Variants in N4BP3 observed in about 807,000 individuals in gnomAD.
N4BP3 encodes NEDD4 binding protein 3, also known as NEDD4-binding protein 3.
A neutral mutation model predicts 43.8 loss-of-function variants in N4BP3; 33 were observed. The observed-to-expected ratio is 0.75, with a 90% CI of 0.57 to 1.01. The LOEUF (loss-of-function observed/expected upper bound fraction) is 1.01, where lower values mean the gene tolerates loss of function less well. Ranked by LOEUF, N4BP3 falls within the 50% of genes least tolerant of loss-of-function variation. The probability of loss-of-function intolerance (pLI) is 0.00; values close to 1 mark genes in which losing one functional copy is unlikely to be tolerated. For synonymous variants in N4BP3, 326 were observed against 321.9 expected, an observed-to-expected ratio of 1.01 and a Z score of -0.14; for missense variants, 756 against 744.2, an observed-to-expected ratio of 1.02 and a Z score of -0.18.
At position 178,123,329 on chromosome 5, in the gene N4BP3, T is replaced by G. The variant is rs1353701306; in HGVS notation, c.*1328T>G. 6.6e-6 allele frequency: 1 copy of G among 152,312 alleles called. No homozygotes were observed. The highest frequency in any genetic ancestry group is 1.9e-4 in the East Asian group (1 of 5,182). The allele number at this position is 152,312 out of a possible 1,614,324, so 9.4% of individuals were successfully genotyped here. A position where few individuals can be genotyped will look rare whatever the true frequency, so the allele number is the denominator to read the frequency against. ...CGTGCTTACTGGGCGCCAGGTGCTG[T>G]GCTGGGCCCTTGTGAGTGTGGGGGC... On this transcript the variant is annotated 3_prime_UTR_variant, in exon 5 of 5. Transcript: ENST00000274605.
Position 178,125,208 on chromosome 5 carries a change from G to C in N4BP3, c.*3207G>C, listed in dbSNP as rs890280732. 1 of 152,468 alleles carries C rather than the reference G, an allele frequency of 6.6e-6. No homozygotes were observed. The highest frequency in any genetic ancestry group is 1.5e-5 in the Non-Finnish European group (1 of 68,220). The allele number at this position is 152,468 out of a possible 1,614,324, so 9.4% of individuals were successfully genotyped here. On this transcript the variant is annotated 3_prime_UTR_variant, in exon 5 of 5. Transcript: ENST00000274605. Reference sequence around the variant, plus strand: ...GGCCTTCTCAGGTGAGGAAGCCAAGGTGGCCAAGGCCCTCGGTCCCCTGCC... The same window carrying C: ...GGCCTTCTCAGGTGAGGAAGCCAAGCTGGCCAAGGCCCTCGGTCCCCTGCC...
rs193299865 is a variant in N4BP3 at position 178,121,615 on chromosome 5, G to T, written c.1249G>T (p.Ala417Ser). 2.5e-6 allele frequency: 4 copies of T among 1,613,136 alleles called. No individual in the cohort carries two copies. Among genetic ancestry groups the T allele is most frequent in the African/African-American group, 2.7e-5 (2 of 75,058 alleles). The change falls in exon 5 of 5, where the codon GCA (alanine) becomes TCA (serine). Residue 417 changes from alanine to serine, a missense_variant. Transcript: ENST00000274605. ...GSRAQAQAQD[A>S]ELVRLREAVR... Reference sequence around the variant, plus strand: ...CCGGGCACAAGCCCAGGCTCAGGACGCAGAGCTGGTCCGGCTGCGCGAGGC... The same window carrying T: ...CCGGGCACAAGCCCAGGCTCAGGACTCAGAGCTGGTCCGGCTGCGCGAGGC...
At chr5:178,119,482 CT>C in intron 1 of N4BP3, 71 bp from the exon 2 acceptor site, 3 of 1,181,012 alleles carry the variant, frequency 2.5e-6, no homozygotes, top group Non-Finnish European at 3.6e-6. Flanking sequence ...GAGCAAGTAC[CT>C]TGTTTTCAGG....
Position 178,122,080 on chromosome 5 carries a change from G to T in N4BP3, c.*79G>T, listed in dbSNP as rs1320425454. ...GCCGGCTCAGCCTTCCCTTGCACTG[G>T]TTGGGGTGGAACCTGCAGAGGCCAG... is the stretch of plus-strand genomic sequence containing the variant. On this transcript the variant is annotated 3_prime_UTR_variant, in exon 5 of 5. Coordinates refer to ENST00000274605, the MANE Select transcript of N4BP3 (RefSeq NM_015111.2). 1.4e-6 allele frequency: 2 copies of T among 1,463,850 alleles called. No individual in the cohort carries two copies. Among genetic ancestry groups the T allele is most frequent in the Non-Finnish European group, 9.0e-7 (1 of 1,106,438 alleles). The allele number at this position is 1,463,850 out of a possible 1,614,324, so 90.7% of individuals were successfully genotyped here. A position where few individuals can be genotyped will look rare whatever the true frequency, so the allele number is the denominator to read the frequency against.
At position 178,119,473 on chromosome 5, in the gene N4BP3, A is replaced by C. The variant is rs372325389; in HGVS notation, c.-30-81A>C. The C allele has an allele frequency of 2.9e-4, 309 of 1,049,682 alleles. 2 individuals are homozygous for C. In the African/African-American group the frequency reaches 3.7e-3, roughly 12 times the overall value. The allele number at this position is 1,049,682 out of a possible 1,614,324, so 65.0% of individuals were successfully genotyped here. ...GGCAAGGTTGTGGGGAGCTACAGGG[A>C]GCAAGTACCTTGTTTTCAGGCCCCA... On this transcript the variant is annotated intron_variant, in intron 1 of 4. Coordinates refer to ENST00000274605, the MANE Select transcript of N4BP3 (RefSeq NM_015111.2).
At position 178,122,378 on chromosome 5, in the gene N4BP3, C is replaced by G. The variant is rs892245769; in HGVS notation, c.*377C>G. ...GGCTGGGGTGGGAACACTGGCCTCC[C>G]CCAGAATAAAACCATGTTTTCTACC... On this transcript the variant is annotated 3_prime_UTR_variant, in exon 5 of 5. Transcript: ENST00000274605. 4.7e-6 allele frequency: 1 copy of G among 210,902 alleles called. No individual in the cohort carries two copies. Among genetic ancestry groups the G allele is most frequent in the African/African-American group, 2.3e-5 (1 of 43,440 alleles). The allele number at this position is 210,902 out of a possible 1,614,324, so 13.1% of individuals were successfully genotyped here.
rs1403622378 is a variant in N4BP3 at position 178,118,604 on chromosome 5, A to G, written c.-30-950A>G. ...AACACCTGTCCCGGAAACTGTGGCC[A>G]TTGTTCACGTCATCCTTCCTCCTTT... On this transcript the variant is annotated intron_variant, in intron 1 of 4. Transcript: ENST00000274605. This position sits in a 1 kb window ranked among gnomAD's most constrained non-coding sequence, Gnocchi z 5.4. Among the ~76,000 whole-genome samples, 3 of 152,040 alleles carry G rather than the reference A, an allele frequency of 2.0e-5. No homozygotes were observed. Among genetic ancestry groups the G allele is most frequent in the Middle Eastern group, 3.2e-3 (1 of 316 alleles).
Position 178,120,960 on chromosome 5 carries a change from C to G in N4BP3, c.853-138C>G, listed in dbSNP as rs116794962. 6.7e-5 allele frequency: 86 copies of G among 1,285,156 alleles called. 1 individual carries two copies. The highest frequency in any genetic ancestry group is 2.8e-4 in the Middle Eastern group (1 of 3,568). The allele number at this position is 1,285,156 out of a possible 1,614,324, so 79.6% of individuals were successfully genotyped here. Reference sequence around the variant, plus strand: ...GGGGACACCTCACCCTGGAGGGCATCCCGGGTTAAAGCGCATGTGTGGCTG... The same window carrying G: ...GGGGACACCTCACCCTGGAGGGCATGCCGGGTTAAAGCGCATGTGTGGCTG... On this transcript the variant is annotated intron_variant, in intron 3 of 4. Transcript: ENST00000274605.
Position 178,121,319 on chromosome 5 carries a change from C to G in N4BP3, c.1074C>G (p.Pro358=). Reference sequence around the variant, plus strand: ...CCGGCACCCTCCCAGAGGCTGACCCCAGTGCACGACCAGAGGAGGAAGCCC... The same window carrying G: ...CCGGCACCCTCCCAGAGGCTGACCCGAGTGCACGACCAGAGGAGGAAGCCC... ...RAPGTLPEAD[P]SARPEEEARW... Residue 358 remains proline, a synonymous_variant, in exon 4 of 5, where the codon CCC becomes CCG. Transcript: ENST00000274605. 1.2e-6 allele frequency: 2 copies of G among 1,603,738 alleles called. No homozygotes were observed. The highest frequency in any genetic ancestry group is 1.7e-6 in the Non-Finnish European group (2 of 1,173,862).
Position 178,122,687 on chromosome 5 carries a change from G to A in N4BP3, c.*686G>A, listed in dbSNP as rs1053491927. The A allele has an allele frequency of 6.6e-6, 1 of 152,178 alleles. No individual in the cohort carries two copies. Among genetic ancestry groups the A allele is most frequent in the African/African-American group, 2.4e-5 (1 of 41,444 alleles). The allele number at this position is 152,178 out of a possible 1,614,324, so 9.4% of individuals were successfully genotyped here. A position where few individuals can be genotyped will look rare whatever the true frequency, so the allele number is the denominator to read the frequency against. ...ACCAGGGAATGCCAAAAAAACAAAG[G>A]GCAAGTCAACCAAGGCATTTTGAGA... is the stretch of plus-strand genomic sequence containing the variant. On this transcript the variant is annotated 3_prime_UTR_variant, in exon 5 of 5. Transcript: ENST00000274605.
intron 1 of N4BP3, 57 bp from the exon 2 acceptor site, chr5:178,119,497 C>T (rs1757853874): frequency 7.6e-7 from 1 of 1,316,400 alleles, no homozygotes; most frequent in Admixed American, 2.4e-5. Flanking sequence ...TTTCAGGCCC[C>T]AGGGAAGTTG....
In N4BP3 at chr5:178,120,587, C is replaced by T. The variant is rs534626032; in HGVS notation, c.740C>T (p.Pro247Leu). The change falls in exon 3 of 5, where the codon CCC (proline) becomes CTC (leucine). Residue 247 changes from proline (P) to leucine (L), a missense_variant. Coordinates refer to ENST00000274605, the MANE Select transcript of N4BP3 (RefSeq NM_015111.2). ...AGCTGCCTGCCCGAGCCACCACCCCCCTACGAGTTCTCCTGCTCCTCTGCC... is the reference window on the plus strand; with the variant it reads ...AGCTGCCTGCCCGAGCCACCACCCCTCTACGAGTTCTCCTGCTCCTCTGCC... ...VLSCLPEPPP[P>L]YEFSCSSAEE... 9.9e-6 allele frequency: 16 copies of T among 1,612,692 alleles called. No individual in the cohort carries two copies. Among genetic ancestry groups the T allele is most frequent in the East Asian group, 8.9e-5 (4 of 44,886 alleles).
At position 178,122,236 on chromosome 5, in the gene N4BP3, T is replaced by C. The variant is rs1482178397; in HGVS notation, c.*235T>C. On this transcript the variant is annotated 3_prime_UTR_variant, in exon 5 of 5. Transcript: ENST00000274605. ...CTAGGCAGGGCCCAGCCCTGCTTCC[T>C]GGAGTGGATGTGGCCCAGAGAAGGA... 1 of 506,064 alleles carries C rather than the reference T, an allele frequency of 2.0e-6. No homozygotes were observed. The allele number at this position is 506,064 out of a possible 1,614,324, so 31.3% of individuals were successfully genotyped here.
chr5:178,121,968 C>A lies in N4BP3; in HGVS notation c.1602C>A (p.Pro534=). The part of the protein sequence containing the change: ...ELRALREPPT[P]WSPRLESSKI The stretch of plus-strand genomic sequence containing the variant: ...GGGCACTGCGGGAGCCCCCCACACC[C>A]TGGAGTCCCCGGCTCGAGTCCTCCA... Residue 534 remains proline (P), a synonymous_variant, in exon 5 of 5, where the codon CCC becomes CCA. Coordinates refer to ENST00000274605, the MANE Select transcript of N4BP3 (RefSeq NM_015111.2). The A allele has an allele frequency of 6.2e-7, 1 of 1,606,120 alleles. No homozygotes were observed. The highest frequency in any genetic ancestry group is 8.5e-7 in the Non-Finnish European group (1 of 1,176,400).
In N4BP3 at chr5:178,119,061, T is replaced by C. The variant is rs1289268623; in HGVS notation, c.-30-493T>C. Among the ~76,000 whole-genome samples the C allele has an allele frequency of 2.6e-5, 4 of 152,156 alleles. No homozygotes were observed. The East Asian group carries it at 7.7e-4, about 29-fold the overall frequency. ...TTGTATTTTTAGTAGAGATGGGGTT[T>C]CACAGTGTTAGCCAGGATGGTCTGC... On this transcript the variant is annotated intron_variant, in intron 1 of 4. Coordinates refer to ENST00000274605, the MANE Select transcript of N4BP3 (RefSeq NM_015111.2).
chr5:178,117,554 T>C (rs1353456807), intron 1 of N4BP3, among the ~76,000 whole-genome samples: 1 of 132,874 alleles, frequency 7.5e-6, no homozygotes, highest in East Asian at 2.3e-4. Context: ...GAGGCTGCAG[T>C]GGGCCATGGT....
intron 1 of N4BP3, among the ~76,000 whole-genome samples, chr5:178,114,121 C>T (rs1055184052): frequency 2.0e-5 from 3 of 152,178 alleles, no homozygotes; most frequent in Non-Finnish European, 4.4e-5. Flanking sequence ...TTGGCGCCGG[C>T]GTCTGACCTC....
In N4BP3 at chr5:178,124,974, G is replaced by C. The variant is rs1313198254; in HGVS notation, c.*2973G>C. Reference sequence around the variant, plus strand: ...CTGTGGGCATTGCCGGGGTAGGGTGGTGTCTTCACCACAGCTCCAGAAGGC... The same window carrying C: ...CTGTGGGCATTGCCGGGGTAGGGTGCTGTCTTCACCACAGCTCCAGAAGGC... On this transcript the variant is annotated 3_prime_UTR_variant, in exon 5 of 5. Transcript: ENST00000274605. 6.6e-6 allele frequency: 1 copy of C among 152,312 alleles called. No homozygotes were observed. Among genetic ancestry groups the C allele is most frequent in the Non-Finnish European group, 1.5e-5 (1 of 68,108 alleles). 9.4% of individuals were successfully genotyped at this position (152,312 alleles called of 1,614,324 possible).
chr5:178,114,422 C>T (rs893873823), intron 1 of N4BP3, among the ~76,000 whole-genome samples: 1 of 152,236 alleles, frequency 6.6e-6, no homozygotes, highest in Non-Finnish European at 1.5e-5. Context: ...ATTCCTAGGT[C>T]TTGACCGCCA....
Sources: allele counts gnomAD v4.1 joint callset (sites outside exome capture counted in the v4.1 genomes callset), GRCh38; gene constraint gnomAD v4.1.1; non-coding constraint Gnocchi (gnomAD v3.1); transcripts MANE v1.5; gene names NCBI Gene and HGNC (gene_info 2026-07-23, HGNC 2026-07-21).